TMPRSS7: variants seen among roughly 807,000 people sequenced by gnomAD.
TMPRSS7 encodes the protein transmembrane serine protease 7, also known as transmembrane protease serine 7.
TMPRSS7 carries 81 observed loss-of-function variants against 95.6 expected under a neutral mutation model. That is an observed-to-expected ratio of 0.85 (90% CI 0.71 to 1.02). The LOEUF (loss-of-function observed/expected upper bound fraction) is 1.02, where lower values mean the gene tolerates loss of function less well. Among genes scored for constraint, TMPRSS7 ranks in the 50% least tolerant of loss-of-function variants. TMPRSS7 has a pLI of 0.00. For missense variants in TMPRSS7, 945 were observed against 955.2 expected (o/e 0.99, Z 0.14); for synonymous variants, 364 against 337.8 (o/e 1.08, Z -0.85).
intron 4 of TMPRSS7, among the ~76,000 whole-genome samples, chr3:112,045,122 C>A (rs906274539): frequency 6.6e-6 from 1 of 152,102 alleles, no homozygotes; most frequent in Non-Finnish European, 1.5e-5. Flanking sequence ...CCGGACATGG[C>A]AGAGTATCAA....
intron 2 of TMPRSS7, among the ~76,000 whole-genome samples, chr3:112,038,954 A>C (rs2073178992): frequency 6.6e-6 from 1 of 152,140 alleles, no homozygotes; most frequent in African/African-American, 2.4e-5. Context: ...AATGTAATGC[A>C]TTTGTAGCTT....
At chr3:112,049,703 A>T in intron 7 of TMPRSS7, 141 bp from the exon 8 acceptor site, 3 of 605,858 alleles carry the variant, frequency 5.0e-6, no homozygotes, top group Non-Finnish European at 7.8e-6. Context: ...ATGGATGAGG[A>T]TCTGGCTGGG....
At chr3:112,074,954 CT>C (rs2073693999) in intron 14 of TMPRSS7, among the ~76,000 whole-genome samples, 1 of 152,198 alleles carries the variant, frequency 6.6e-6, no homozygotes, top group Non-Finnish European at 1.5e-5. Flanking sequence ...TCTTATAAAT[CT>C]TTTCCCCAAT....
chr3:112,060,369 C>G (rs1299621914), intron 10 of TMPRSS7, among the ~76,000 whole-genome samples: 1 of 152,126 alleles, frequency 6.6e-6, no homozygotes, highest in Non-Finnish European at 1.5e-5. Flanking sequence ...CGGGAATTTC[C>G]TCGTCCTAAT....
chr3:112,034,877 C>T (rs1429634123), exon 1 of TMPRSS7: 3 of 702,932 alleles, frequency 4.3e-6, no homozygotes, highest in Non-Finnish European at 7.8e-6. Flanking sequence ...GTTTCAGCCG[C>T]ACCTGCTGAC....
At chr3:112,042,567 A>T (rs1482676783) in intron 3 of TMPRSS7, among the ~76,000 whole-genome samples, 1 of 152,208 alleles carries the variant, frequency 6.6e-6, no homozygotes, top group Non-Finnish European at 1.5e-5. Context: ...TTATTCTGAA[A>T]TACACAGACA....
exon 2 of TMPRSS7, chr3:112,038,159 C>T (rs965642445): frequency 5.7e-6 from 4 of 702,716 alleles, no homozygotes; most frequent in Non-Finnish European, 1.0e-5. Flanking sequence ...ACTACCATTG[C>T]CAGGAAGACG....
chr3:112,060,538 A>T (rs1275040763), intron 10 of TMPRSS7, among the ~76,000 whole-genome samples: 2 of 152,254 alleles, frequency 1.3e-5, no homozygotes, highest in Admixed American at 1.3e-4. Flanking sequence ...ATTCAGTGAT[A>T]TTTCTCCCAT....
chr3:112,073,686 G>A (rs1163101320), intron 13 of TMPRSS7, among the ~76,000 whole-genome samples: 2 of 150,352 alleles, frequency 1.3e-5, no homozygotes, highest in African/African-American at 4.9e-5. Flanking sequence ...CCATTCTGTA[G>A]GTTGCCTGTT....
intron 2 of TMPRSS7, among the ~76,000 whole-genome samples, chr3:112,040,317 A>C (rs1191916151): frequency 6.6e-6 from 1 of 152,226 alleles, no homozygotes; most frequent in East Asian, 1.9e-4. Flanking sequence ...TTCAGAGTTC[A>C]GTGCTAGAGA....
At position 112,044,878 on chromosome 3, in the gene TMPRSS7, T is replaced by C. The variant is rs561012785; in HGVS notation, c.497+556T>C. Among the ~76,000 whole-genome samples the C allele has an allele frequency of 2.0e-5, 3 of 152,036 alleles. No homozygotes were observed. The South Asian group carries it at 6.3e-4, about 32-fold the overall frequency. On this transcript the variant is annotated intron_variant, in intron 4 of 17. Coordinates refer to ENST00000452346, the Ensembl canonical transcript of TMPRSS7. ...CCTTAACCTTCCATTTCCCAAGTCA[T>C]TTCCTGCAGAATGCCATGTTATGTT...
chr3:112,043,695 C>T (rs2073239700), intron 3 of TMPRSS7, among the ~76,000 whole-genome samples: 1 of 152,052 alleles, frequency 6.6e-6, no homozygotes, highest in Non-Finnish European at 1.5e-5. Flanking sequence ...TAGGTAAGGG[C>T]CAAGAAGGTA....
intron 11 of TMPRSS7, among the ~76,000 whole-genome samples, chr3:112,063,129 G>A (rs1418523469): frequency 2.0e-5 from 3 of 152,222 alleles, no homozygotes; most frequent in African/African-American, 7.2e-5. Context: ...GACACCAGAA[G>A]TCAATTTAAG....
chr3:112,042,083 G>C lies in TMPRSS7; in HGVS notation c.429+33G>C, dbSNP rs774776. On this transcript the variant is annotated intron_variant, in intron 3 of 17. Coordinates refer to ENST00000452346, the Ensembl canonical transcript of TMPRSS7. ...GATGGAGGTAGAGGGTATTAGGGTA[G>C]AGTGGGTTTGCGGGGAGGTGGGGGA... The C allele has an allele frequency of 7.5e-4, 1,159 of 1,536,406 alleles. 4 individuals are homozygous for C. In the African/African-American group the frequency reaches 0.014, roughly 19 times the overall value.
At chr3:112,043,325 G>A (rs73853280) in intron 3 of TMPRSS7, among the ~76,000 whole-genome samples, 1 of 152,040 alleles carries the variant, frequency 6.6e-6, no homozygotes, top group Non-Finnish European at 1.5e-5. Flanking sequence ...AATCTTATGG[G>A]ACTACTGTCA....
At chr3:112,046,027 A>G (rs2073274537) in intron 5 of TMPRSS7, 84 bp downstream of exon 5, 1 of 1,181,076 alleles carries the variant, frequency 8.5e-7, no homozygotes, top group Non-Finnish European at 1.2e-6. Flanking sequence ...ATTGTAATGA[A>G]GCATTACAAT....
chr3:112,038,469 G>C, intron 2 of TMPRSS7, 148 bp downstream of exon 2: 1 of 595,954 alleles, frequency 1.7e-6, no homozygotes, highest in Non-Finnish European at 3.0e-6. Context: ...GGTGTTGATG[G>C]TTTTTTATTA....
intron 7 of TMPRSS7, among the ~76,000 whole-genome samples, chr3:112,049,599 T>C (rs1356401692): frequency 1.3e-5 from 2 of 152,180 alleles, no homozygotes; most frequent in Non-Finnish European, 2.9e-5. Context: ...CCAAGGAGCA[T>C]ACAGTGACAG....
intron 13 of TMPRSS7, among the ~76,000 whole-genome samples, chr3:112,070,915 T>G (rs2073637984): frequency 1.3e-5 from 2 of 152,264 alleles, no homozygotes; most frequent in South Asian, 2.1e-4. Flanking sequence ...CCAGTCTGTG[T>G]CTTTTAACTG....
Sources: gnomAD v4.1 joint callset for allele counts (sites outside exome capture counted in the v4.1 genomes callset) on GRCh38, gnomAD v4.1.1 for gene constraint, MANE v1.5 for transcripts, NCBI Gene and HGNC (gene_info 2026-07-23, HGNC 2026-07-21) for gene names.